The following HOMER2 variants were observed in gnomAD, a reference collection of about 807,000 sequenced individuals.
HOMER2 encodes homer protein homolog 2.
In HOMER2, 27 loss-of-function variants were observed where a neutral mutation model predicts 47.0. The observed-to-expected ratio is 0.57, with a 90% confidence interval of 0.42 to 0.79. The LOEUF (loss-of-function observed/expected upper bound fraction) is 0.79. HOMER2 is among the 30% of genes least tolerant of loss of function. The probability of loss-of-function intolerance (pLI) is 0.00; values close to 1 mark genes in which losing one functional copy is unlikely to be tolerated. For missense variants in HOMER2, 443 were observed against 435.0 expected, an observed-to-expected ratio of 1.02 and a Z score of -0.16; for synonymous variants, 161 against 163.8, an observed-to-expected ratio of 0.98 and a Z score of 0.13.
intron 5 of HOMER2, 133 bp from the exon 6 acceptor site, chr15:82,854,933 G>C: frequency 9.5e-7 from 1 of 1,049,138 alleles, no homozygotes; most frequent in Non-Finnish European, 1.4e-6. Context: ...CAGTAAGCTG[G>C]CAGGTGGGTC....
At chr15:82,941,781 T>C (rs2054273179) in intron 1 of HOMER2, among the ~76,000 whole-genome samples, 1 of 152,192 alleles carries the variant, frequency 6.6e-6, no homozygotes, top group African/African-American at 2.4e-5. Context: ...CTACTCCACA[T>C]TCTTTTCCAT....
intron 1 of HOMER2, among the ~76,000 whole-genome samples, chr15:82,984,628 G>A (rs927209637): frequency 3.9e-5 from 6 of 152,026 alleles, no homozygotes; most frequent in African/African-American, 1.4e-4. Context: ...GACCAGACTG[G>A]GCAATACTGC....
At chr15:82,978,373 A>C (rs890800818) in intron 1 of HOMER2, among the ~76,000 whole-genome samples, 1 of 152,172 alleles carries the variant, frequency 6.6e-6, no homozygotes, top group African/African-American at 2.4e-5. Context: ...TATATGAAAG[A>C]CATAAAGAAT....
At chr15:82,929,942 C>T (rs2053965020) in intron 1 of HOMER2, among the ~76,000 whole-genome samples, 1 of 152,074 alleles carries the variant, frequency 6.6e-6, no homozygotes, top group Admixed American at 6.5e-5. Context: ...GTTGGTCAGG[C>T]TGGTCTTGAA....
At chr15:82,839,288 C>G (rs894308896) in exon 2 of HOMER2, 1 of 152,200 alleles carries the variant, frequency 6.6e-6, no homozygotes, top group African/African-American at 2.4e-5. Context: ...GGGCAGGCAT[C>G]CCCTAAACAT....
intron 1 of HOMER2, among the ~76,000 whole-genome samples, chr15:82,909,790 C>A (rs1436907986): frequency 1.3e-5 from 2 of 152,122 alleles, no homozygotes; most frequent in Non-Finnish European, 2.9e-5. Flanking sequence ...CAGGCTAAAA[C>A]CTTTGAAGAG....
intron 2 of HOMER2, among the ~76,000 whole-genome samples, chr15:82,876,870 A>G (rs1011898508): frequency 6.6e-6 from 1 of 152,246 alleles, no homozygotes; most frequent in South Asian, 2.1e-4. Flanking sequence ...CCTTAACTAA[A>G]GGGATCTAGA....
intron 1 of HOMER2, among the ~76,000 whole-genome samples, chr15:82,908,103 G>T (rs1007752513): frequency 6.6e-6 from 1 of 151,602 alleles, no homozygotes; most frequent in Non-Finnish European, 1.5e-5. Flanking sequence ...CAGGAAGCCA[G>T]GGTAGAGGAA....
chr15:82,918,132 G>A (rs1053854322), intron 1 of HOMER2, among the ~76,000 whole-genome samples: 4 of 152,098 alleles, frequency 2.6e-5, no homozygotes, highest in Admixed American at 1.3e-4. Context: ...ACTCATCAAA[G>A]TCCCAGTGTC....
chr15:82,979,161 C>T (rs2151262872), intron 1 of HOMER2, among the ~76,000 whole-genome samples: 1 of 152,362 alleles, frequency 6.6e-6, no homozygotes, highest in Middle Eastern at 3.4e-3. Context: ...CCGTGCTGCA[C>T]TGTGAGTCAA....
chr15:82,966,966 G>T lies in HOMER2; in HGVS notation n.83-7658C>A, dbSNP rs1300081241. 1.3e-5 allele frequency among the ~76,000 whole-genome samples: 2 copies of T among 152,184 alleles called. 1 individual carries two copies. Among genetic ancestry groups the T allele is most frequent in the African/African-American group, 4.8e-5 (2 of 41,438 alleles). Reference sequence around the variant, plus strand: ...CAAAGCAACAAGTCAACTCTAAAAAGGATGTTTGTGGCTGGATACGGTGGC... The same window carrying T: ...CAAAGCAACAAGTCAACTCTAAAAATGATGTTTGTGGCTGGATACGGTGGC... On this transcript the variant is annotated intron_variant and non_coding_transcript_variant, in intron 1 of 1. Coordinates refer to the HOMER2 transcript ENST00000500334.
rs1286585241 is a variant in HOMER2 at position 82,913,583 on chromosome 15, T to C, written c.6-20742A>G. 1.3e-5 allele frequency among the ~76,000 whole-genome samples: 2 copies of C among 152,196 alleles called. No individual in the cohort carries two copies. Among genetic ancestry groups the C allele is most frequent in the African/African-American group, 4.8e-5 (2 of 41,450 alleles). The stretch of plus-strand genomic sequence containing the variant: ...CCAACAGCAGCACTCTATCAGGCCA[T>C]CTTCCTGAAAGCAACACAAACCCCT... On this transcript the variant is annotated intron_variant, in intron 1 of 8. Transcript: ENST00000450735. The surrounding 1 kb of genome is among the most constrained non-coding windows in gnomAD (Gnocchi z 4.1).
rs144277319 is a variant in HOMER2, at chr15:82,932,769, G to A, written c.5+19762C>T. The stretch of plus-strand genomic sequence containing the variant: ...TGAGGAAAACCCAGCAATGTTCAAA[G>A]CTGTTTACTCCTCAGAACAAGGTTT... On this transcript the variant is annotated intron_variant, in intron 1 of 8. Transcript: ENST00000450735. Among the ~76,000 whole-genome samples the A allele has an allele frequency of 2.2e-3, 342 of 152,268 alleles. 2 individuals are homozygous for A. Among genetic ancestry groups the A allele is most frequent in the African/African-American group, 7.5e-3 (310 of 41,544 alleles).
chr15:82,982,104 A>T (rs1273453517), intron 1 of HOMER2, among the ~76,000 whole-genome samples: 1 of 152,216 alleles, frequency 6.6e-6, no homozygotes, highest in Non-Finnish European at 1.5e-5. Context: ...TCATGATGTA[A>T]CCTTTCTCAT....
At chr15:82,857,229 A>G (rs2051614644) in intron 5 of HOMER2, among the ~76,000 whole-genome samples, 1 of 152,030 alleles carries the variant, frequency 6.6e-6, no homozygotes, top group Non-Finnish European at 1.5e-5. Context: ...CCCACCTGTG[A>G]AGACACAGGG....
chr15:82,870,974 A>C (rs1044967094), intron 3 of HOMER2, among the ~76,000 whole-genome samples: 5 of 152,330 alleles, frequency 3.3e-5, no homozygotes, highest in Admixed American at 2.6e-4. Flanking sequence ...AAAGAAACTA[A>C]ACTTTAACCA....
exon 2 of HOMER2, chr15:82,959,285 T>C (rs1409848844): frequency 6.6e-6 from 1 of 152,430 alleles, no homozygotes; most frequent in African/African-American, 2.4e-5. Context: ...AGGCATGAAG[T>C]GGGTGTAGGA....
chr15:82,964,768 T>A (rs184843257), intron 1 of HOMER2, among the ~76,000 whole-genome samples: 1 of 152,132 alleles, frequency 6.6e-6, no homozygotes, highest in East Asian at 1.9e-4. Context: ...AGACTCCATC[T>A]CAAAAAAACA....
At chr15:82,947,148 A>C (rs1200665184) in intron 1 of HOMER2, among the ~76,000 whole-genome samples, 3 of 152,262 alleles carry the variant, frequency 2.0e-5, no homozygotes, top group Non-Finnish European at 4.4e-5. Context: ...TAGAAAGTGA[A>C]GTTTAACAAA....
Sources: gnomAD v4.1 joint callset for allele counts (sites outside exome capture counted in the v4.1 genomes callset) on GRCh38, gnomAD v4.1.1 for gene constraint, Gnocchi (gnomAD v3.1) non-coding constraint, MANE v1.5 for transcripts, NCBI Gene and HGNC (gene_info 2026-07-23, HGNC 2026-07-21) for gene names.